The following TMEM132D variants were observed in gnomAD, a reference collection of about 807,000 sequenced individuals.
TMEM132D encodes transmembrane protein 132D, also known as mature OL transmembrane protein.
Under a neutral mutation model 62.3 loss-of-function variants are expected in TMEM132D, and 21 were observed. The observed-to-expected ratio is 0.34, with a 90% CI of 0.24 to 0.49. The LOEUF (loss-of-function observed/expected upper bound fraction) is 0.49. Among genes scored for constraint, TMEM132D ranks in the 20% least tolerant of loss-of-function variants. The probability of loss-of-function intolerance (pLI) is 0.99; values close to 1 mark genes in which losing one functional copy is unlikely to be tolerated. For synonymous variants in TMEM132D, 621 were observed against 575.6 expected (o/e 1.08, Z -1.13); for missense variants, 1,346 against 1,402.8 (o/e 0.96, Z 0.65).
chr12:129,733,135 C>T lies in TMEM132D; in HGVS notation c.80-32437G>A, dbSNP rs75827418. Among the ~76,000 whole-genome samples the T allele has an allele frequency of 1.2e-3, 185 of 152,200 alleles. 1 individual carries two copies. Among genetic ancestry groups the T allele is most frequent in the African/African-American group, 4.3e-3 (177 of 41,524 alleles). On this transcript the variant is annotated intron_variant, in intron 1 of 8. Transcript: ENST00000422113. ...TGAGTTGTGTGCCTAGTGAATTTCTCGTCTAGTTTCATCCTACTGAATTAT... is the reference window on the plus strand; with the variant it reads ...TGAGTTGTGTGCCTAGTGAATTTCTTGTCTAGTTTCATCCTACTGAATTAT...
At chr12:129,138,799 G>T (rs576320993) in intron 5 of TMEM132D, among the ~76,000 whole-genome samples, 1 of 152,150 alleles carries the variant, frequency 6.6e-6, no homozygotes, top group Admixed American at 6.5e-5. Context: ...TGACAAATAG[G>T]ATTTCCTCAC....
chr12:129,511,561 T>G lies in TMEM132D; in HGVS notation c.1115+19498A>C, dbSNP rs2137074115. Among the ~76,000 whole-genome samples, 3 of 152,334 alleles carry G rather than the reference T, an allele frequency of 2.0e-5. No homozygotes were observed. In the South Asian group the frequency reaches 6.2e-4, roughly 32 times the overall value. On this transcript the variant is annotated intron_variant, in intron 3 of 8. Coordinates refer to ENST00000422113, the MANE Select transcript of TMEM132D (RefSeq NM_133448.3). ...AACTCATTGTAGTGGACGTGATAGT[T>G]TAAATTTGTATTTCTTTCACAGCCA... is the stretch of plus-strand genomic sequence containing the variant.
chr12:129,636,900 T>G (rs1450227380), intron 2 of TMEM132D, among the ~76,000 whole-genome samples: 1 of 152,120 alleles, frequency 6.6e-6, no homozygotes, highest in Non-Finnish European at 1.5e-5. Flanking sequence ...TGTGGACCAG[T>G]TACACTGGCA....
intron 5 of TMEM132D, among the ~76,000 whole-genome samples, chr12:129,111,882 C>T (rs916282729): frequency 7.2e-5 from 11 of 152,166 alleles, no homozygotes; most frequent in South Asian, 4.1e-4. Context: ...ATATTTAATG[C>T]GTGTATCCAG....
intron 2 of TMEM132D, among the ~76,000 whole-genome samples, chr12:129,698,834 T>G (rs190985844): frequency 0.015 from 2,281 of 151,288 alleles, 74 homozygotes; most frequent in African/African-American, 0.051. Flanking sequence ...AAAGAAAAGC[T>G]AGAAAAAGCA....
intron 3 of TMEM132D, among the ~76,000 whole-genome samples, chr12:129,425,345 T>C (rs1872462118): frequency 6.6e-6 from 1 of 151,988 alleles, no homozygotes; most frequent in Admixed American, 6.6e-5. Flanking sequence ...CCAAAGTTGC[T>C]GCACTATTTT....
At chr12:129,330,662 C>G (rs991606358) in intron 4 of TMEM132D, among the ~76,000 whole-genome samples, 3 of 152,198 alleles carry the variant, frequency 2.0e-5, no homozygotes, top group East Asian at 1.9e-4. Context: ...ATGCGACACC[C>G]TGCTCTACCT....
At chr12:129,410,936 T>C (rs973472138) in intron 3 of TMEM132D, among the ~76,000 whole-genome samples, 1 of 152,212 alleles carries the variant, frequency 6.6e-6, no homozygotes, top group African/African-American at 2.4e-5. Flanking sequence ...GGGTATTTTA[T>C]TAGTTTCTTA....
chr12:129,781,353 G>A (rs1871112802), intron 1 of TMEM132D, among the ~76,000 whole-genome samples: 1 of 152,122 alleles, frequency 6.6e-6, no homozygotes, highest in African/African-American at 2.4e-5. Flanking sequence ...CTCTGATGAT[G>A]GTCAGGTATG....
At chr12:129,115,736 C>A (rs1165417176) in intron 5 of TMEM132D, among the ~76,000 whole-genome samples, 13 of 152,162 alleles carry the variant, frequency 8.5e-5, no homozygotes, top group Admixed American at 8.5e-4. Flanking sequence ...GAAGCCAGGG[C>A]CTGTAAAGCA....
intron 4 of TMEM132D, among the ~76,000 whole-genome samples, chr12:129,316,473 T>C (rs575498789): frequency 6.6e-6 from 1 of 152,278 alleles, no homozygotes; most frequent in African/African-American, 2.4e-5. Flanking sequence ...TCTTTTGGAG[T>C]TGATTTCCAG....
chr12:129,103,822 T>C (rs1875396153), intron 5 of TMEM132D, among the ~76,000 whole-genome samples: 1 of 97,192 alleles, frequency 1.0e-5, no homozygotes, highest in Admixed American at 1.0e-4. Context: ...TACCCAGGAA[T>C]CCAACTTACA....
chr12:129,483,607 G>A (rs188573665), intron 3 of TMEM132D, among the ~76,000 whole-genome samples: 51 of 152,288 alleles, frequency 3.3e-4, no homozygotes, highest in African/African-American at 1.2e-3. Context: ...CTGAATATTC[G>A]GTTAGCTTGG....
At chr12:129,418,242 C>CTA in intron 3 of TMEM132D, among the ~76,000 whole-genome samples, 1 of 152,244 alleles carries the variant, frequency 6.6e-6, no homozygotes, top group Middle Eastern at 3.4e-3. Flanking sequence ...AATCATTCTA[C>CTA]TATAAAGACA....
At chr12:129,180,380 CCTCA>C (rs1421384858) in intron 5 of TMEM132D, among the ~76,000 whole-genome samples, 1 of 152,194 alleles carries the variant, frequency 6.6e-6, no homozygotes. Flanking sequence ...TGAGTCCCTG[CCTCA>C]CTCACGTACA....
intron 1 of TMEM132D, among the ~76,000 whole-genome samples, chr12:129,767,081 A>G (rs991315019): frequency 5.9e-5 from 9 of 152,212 alleles, no homozygotes; most frequent in Non-Finnish European, 2.9e-5. Flanking sequence ...GCTGTTACCC[A>G]GCTGCCGCCT....
chr12:129,646,314 T>C (rs1879776951), intron 2 of TMEM132D, among the ~76,000 whole-genome samples: 1 of 152,206 alleles, frequency 6.6e-6, no homozygotes, highest in African/African-American at 2.4e-5. Flanking sequence ...CAGAGGGCGA[T>C]GCAGTATGTC....
At position 129,656,141 on chromosome 12, in the gene TMEM132D, C is replaced by T. The variant is rs918674150; in HGVS notation, c.968+43669G>A. On this transcript the variant is annotated intron_variant, in intron 2 of 8. Coordinates refer to ENST00000422113, the MANE Select transcript of TMEM132D (RefSeq NM_133448.3). ...ATTTACTATCCAGCAACTCACGTTT[C>T]CCAAACATGCCCTATGATAAGATTT... Among the ~76,000 whole-genome samples, 4 of 151,982 alleles carry T rather than the reference C, an allele frequency of 2.6e-5. No homozygotes were observed. The South Asian group carries it at 8.3e-4, about 31-fold the overall frequency.
chr12:129,583,776 A>T (rs183212191), intron 2 of TMEM132D, among the ~76,000 whole-genome samples: 2 of 152,372 alleles, frequency 1.3e-5, no homozygotes, highest in African/African-American at 4.8e-5. Flanking sequence ...GCATCACCCA[A>T]GTGCAGAATC....
Sources: gnomAD v4.1 joint callset for allele counts (sites outside exome capture counted in the v4.1 genomes callset) on GRCh38, gnomAD v4.1.1 for gene constraint, MANE v1.5 for transcripts, NCBI Gene and HGNC (gene_info 2026-07-23, HGNC 2026-07-21) for gene names.